BCHE: variants seen among roughly 807,000 people sequenced by gnomAD.
BCHE encodes cholinesterase.
Under a neutral mutation model 51.3 loss-of-function variants are expected in BCHE, and 48 were observed. The ratio of observed to expected loss-of-function variants is 0.94; its 90% CI spans 0.74 to 1.19. The LOEUF (loss-of-function observed/expected upper bound fraction) is 1.19, where lower values mean the gene tolerates loss of function less well. Among genes scored for constraint, BCHE ranks in the 50% most tolerant of loss-of-function variants. The probability of loss-of-function intolerance (pLI) is 0.00; values close to 1 mark genes in which losing one functional copy is unlikely to be tolerated. For missense variants in BCHE, 847 were observed against 708.2 expected, an observed-to-expected ratio of 1.20 and a Z score of -2.23; for synonymous variants, 251 against 238.0, an observed-to-expected ratio of 1.05 and a Z score of -0.50.
chr3:165,800,404 A>T (rs1045739743), intron 2 of BCHE, among the ~76,000 whole-genome samples: 4 of 152,050 alleles, frequency 2.6e-5, no homozygotes, highest in Non-Finnish European at 5.9e-5. Flanking sequence ...TCCAGGCCCC[A>T]GGGCTATTTT....
intron 2 of BCHE, among the ~76,000 whole-genome samples, chr3:165,812,448 T>C (rs1288660611): frequency 6.6e-6 from 1 of 151,972 alleles, no homozygotes; most frequent in Admixed American, 6.6e-5. Flanking sequence ...ATGTTACACA[T>C]AGGGAAACAA....
At chr3:165,788,682 C>T (rs923044631) in intron 2 of BCHE, among the ~76,000 whole-genome samples, 10 of 152,200 alleles carry the variant, frequency 6.6e-5, no homozygotes, top group Admixed American at 5.9e-4. Flanking sequence ...ATTTTAACTG[C>T]GCATTCATTT....
rs372839550 is a variant in BCHE, at chr3:165,829,897, C to A, written c.1137G>T (p.Gln379His). 1 of 1,611,028 alleles carries A rather than the reference C, an allele frequency of 6.2e-7. No individual in the cohort carries two copies. The highest frequency in any genetic ancestry group is 8.5e-7 in the Non-Finnish European group (1 of 1,179,240). The change falls in exon 2 of 4, where the codon CAG (glutamine) becomes CAT (histidine). Residue 379 changes from glutamine (Q) to histidine (H), a missense_variant. Physicochemically the swap from Gln to His is conservative, Grantham distance 24 (BLOSUM62 0). Transcript: ENST00000264381. The stretch of plus-strand genomic sequence containing the variant: ...CTGGAAAAAATATTTTTAAACCTTC[C>A]TGAAATTCTTTTCTAGTTATGATAC... ...NNSIITRKEF[Q>H]EGLKIFFPGV...
chr3:165,831,650 AATATTAAGTAACAAAT>A (rs1714992707), intron 1 of BCHE, among the ~76,000 whole-genome samples: 1 of 152,330 alleles, frequency 6.6e-6, no homozygotes, highest in Admixed American at 6.5e-5. Flanking sequence ...TTATTCACAG[AATATTAAGTAACAAAT>A]ATATGGTAGT....
rs1560023576 is a variant in BCHE, at chr3:165,830,600, C to G, written c.434G>C (p.Gly145Ala). 1 of 1,613,928 alleles carries G rather than the reference C, an allele frequency of 6.2e-7. No individual in the cohort carries two copies. Among genetic ancestry groups the G allele is most frequent in the Non-Finnish European group, 8.5e-7 (1 of 1,179,934 alleles). ...TAAAGATGATGTTCCAGTTTGAAAA[C>G]CACCACCATAAATCCATATCAATAC... ...ATVLIWIYGG[G>A]FQTGTSSLHV... Residue 145 changes from glycine to alanine, a missense_variant, in exon 2 of 4, where the codon GGT (glycine) becomes GCT (alanine). Physicochemically the swap from Gly to Ala is moderately conservative, Grantham distance 60 (BLOSUM62 0). Transcript: ENST00000264381.
intron 1 of BCHE, among the ~76,000 whole-genome samples, chr3:165,836,289 G>A (rs973795723): frequency 2.2e-4 from 33 of 151,802 alleles, no homozygotes; most frequent in Non-Finnish European, 3.4e-4. Context: ...AAAAGCTCAC[G>A]CTTATCCTTA....
At chr3:165,815,759 TA>T (rs1438286771) in intron 2 of BCHE, among the ~76,000 whole-genome samples, 1 of 152,114 alleles carries the variant, frequency 6.6e-6, no homozygotes, top group Non-Finnish European at 1.5e-5. Flanking sequence ...ATATTCATTA[TA>T]TTTTAACAGA....
At chr3:165,827,830 T>C (rs1714787877) in intron 2 of BCHE, among the ~76,000 whole-genome samples, 1 of 152,114 alleles carries the variant, frequency 6.6e-6, no homozygotes, top group South Asian at 2.1e-4. Flanking sequence ...AGCAGAAATT[T>C]ATGCTGATGT....
intron 3 of BCHE, among the ~76,000 whole-genome samples, chr3:165,780,650 G>A (rs945747391): frequency 3.3e-5 from 5 of 151,842 alleles, no homozygotes; most frequent in African/African-American, 4.8e-5. Context: ...GCCAACAAAT[G>A]TATGAAAAAA....
chr3:165,808,673 A>G (rs184016861), intron 2 of BCHE, among the ~76,000 whole-genome samples: 1 of 152,194 alleles, frequency 6.6e-6, no homozygotes, highest in African/African-American at 2.4e-5. Context: ...GCACTTTGAG[A>G]GGATTGTTTG....
chr3:165,834,192 G>T (rs1195088384), intron 1 of BCHE, among the ~76,000 whole-genome samples: 1 of 138,046 alleles, frequency 7.2e-6, no homozygotes, highest in African/African-American at 2.6e-5. Context: ...ACATCTAAAT[G>T]GTTGTAATAT....
At chr3:165,834,665 A>G (rs916490003) in intron 1 of BCHE, among the ~76,000 whole-genome samples, 2 of 151,974 alleles carry the variant, frequency 1.3e-5, no homozygotes, top group African/African-American at 4.8e-5. Flanking sequence ...TGATATGTTT[A>G]TCATGTAATT....
intron 2 of BCHE, among the ~76,000 whole-genome samples, chr3:165,786,896 T>G (rs1712976382): frequency 6.6e-6 from 1 of 151,738 alleles, no homozygotes; most frequent in Admixed American, 6.6e-5. Context: ...TCTTAAGTGG[T>G]TTCATATTAA....
intron 1 of BCHE, 114 bp from the exon 2 acceptor site, chr3:165,831,155 C>G (rs746223821): frequency 3.1e-6 from 3 of 955,818 alleles, no homozygotes; most frequent in Non-Finnish European, 4.6e-6. Context: ...ATTATGAAAA[C>G]AAATAAACCT....
chr3:165,820,107 C>A (rs990492972), intron 2 of BCHE, among the ~76,000 whole-genome samples: 1 of 151,982 alleles, frequency 6.6e-6, no homozygotes, highest in African/African-American at 2.4e-5. Flanking sequence ...ATACTGAGTG[C>A]ATTAGTTTTT....
intron 1 of BCHE, among the ~76,000 whole-genome samples, chr3:165,834,791 T>G (rs1370107717): frequency 1.1e-4 from 17 of 151,818 alleles, no homozygotes; most frequent in Non-Finnish European, 1.5e-5. Flanking sequence ...TTTTTTTTAA[T>G]TTTATTATTA....
chr3:165,816,333 C>T (rs1714312301), intron 2 of BCHE, among the ~76,000 whole-genome samples: 1 of 151,746 alleles, frequency 6.6e-6, no homozygotes, highest in Admixed American at 6.6e-5. Context: ...TACACAAAAC[C>T]AGATTAATCA....
chr3:165,781,788 A>G (rs972143667), intron 3 of BCHE, among the ~76,000 whole-genome samples: 1 of 152,146 alleles, frequency 6.6e-6, no homozygotes. Context: ...GCAAAAGACC[A>G]AATGGCTCAA....
chr3:165,781,105 G>A (rs1215480487), intron 3 of BCHE, among the ~76,000 whole-genome samples: 1 of 152,082 alleles, frequency 6.6e-6, no homozygotes, highest in Non-Finnish European at 1.5e-5. Context: ...GCCAGGCGTG[G>A]TGGCATATGC....
Sources: allele counts gnomAD v4.1 joint callset (sites outside exome capture counted in the v4.1 genomes callset), GRCh38; gene constraint gnomAD v4.1.1; transcripts MANE v1.5; gene names NCBI Gene and HGNC (gene_info 2026-07-23, HGNC 2026-07-21).